ILDR2: variants seen among roughly 807,000 people sequenced by gnomAD.
The protein encoded by ILDR2 is immunoglobulin-like domain-containing receptor 2.
A neutral mutation model predicts 66.8 loss-of-function variants in ILDR2; 25 were observed. The ratio of observed to expected loss-of-function variants is 0.37; its 90% CI spans 0.27 to 0.52. The LOEUF (loss-of-function observed/expected upper bound fraction) is 0.52, where lower values mean the gene tolerates loss of function less well. Among genes scored for constraint, ILDR2 ranks in the 20% least tolerant of loss-of-function variants. The probability of loss-of-function intolerance (pLI) is 0.88; values close to 1 mark genes in which losing one functional copy is unlikely to be tolerated. For synonymous variants in ILDR2, 367 were observed against 357.2 expected (o/e 1.03, Z -0.31); for missense variants, 827 against 876.8 (o/e 0.94, Z 0.72).
chr1:166,974,656 A>G (rs1663486088), intron 1 of ILDR2, among the ~76,000 whole-genome samples: 1 of 152,120 alleles, frequency 6.6e-6, no homozygotes, highest in African/African-American at 2.4e-5. Context: ...AAACTCCACA[A>G]CCAGTGAAGG....
chr1:166,952,197 G>A (rs1401520126), intron 3 of ILDR2, among the ~76,000 whole-genome samples: 2 of 152,114 alleles, frequency 1.3e-5, no homozygotes, highest in African/African-American at 2.4e-5. Flanking sequence ...CTTTATTCCT[G>A]TCCAAACAGT....
At chr1:166,926,537 C>T (rs890366326) in intron 7 of ILDR2, among the ~76,000 whole-genome samples, 1 of 151,912 alleles carries the variant, frequency 6.6e-6, no homozygotes, top group African/African-American at 2.4e-5. Flanking sequence ...CAGGAGGCCT[C>T]CATGCAGCGA....
intron 4 of ILDR2, among the ~76,000 whole-genome samples, chr1:166,939,062 T>C (rs930146911): frequency 2.0e-5 from 3 of 152,324 alleles, no homozygotes; most frequent in South Asian, 2.1e-4. Flanking sequence ...GAGGGGTACA[T>C]AGCTTTCCTA....
Position 166,927,151 on chromosome 1 carries a change from T to C in ILDR2, c.910A>G (p.Lys304Glu). ...AGGACCTTCATGGAGTCTCTCTCTT[T>C]GTCAGCCTGGATCCGGTAACCTTTG... is the stretch of plus-strand genomic sequence containing the variant. ...VRKGYRIQAD[K>E]ERDSMKVLYY... The change falls in exon 7 of 10, where the codon AAA becomes GAA. Residue 304 changes from lysine to glutamate, a missense_variant. This residue lies in a region of ILDR2 where 437 missense variants were observed against 523.2 expected (regional missense o/e 0.84). Transcript: ENST00000271417. The C allele has an allele frequency of 1.2e-6, 2 of 1,613,754 alleles. No homozygotes were observed. The highest frequency in any genetic ancestry group is 1.7e-6 in the Non-Finnish European group (2 of 1,179,862).
Position 166,920,789 on chromosome 1 carries a change from C to T in ILDR2, c.1802G>A (p.Arg601His). 1 of 1,525,754 alleles carries T rather than the reference C, an allele frequency of 6.6e-7. No homozygotes were observed. Among genetic ancestry groups the T allele is most frequent in the Non-Finnish European group, 8.8e-7 (1 of 1,137,402 alleles). The allele number at this position is 1,525,754 out of a possible 1,614,324, so 94.5% of individuals were successfully genotyped here. ...GTCGCGGCCGCGGTAGGACGGGCCGCGGGTCAGCTCCAGCTCGCTGTAGGG... is the reference window on the plus strand; with the variant it reads ...GTCGCGGCCGCGGTAGGACGGGCCGTGGGTCAGCTCCAGCTCGCTGTAGGG... ...LPPYSELELT[R>H]GPSYRGRDLP... is the part of the protein sequence containing the mutation. The change falls in exon 9 of 10, where the codon CGC becomes CAC. Residue 601 changes from arginine to histidine, a missense_variant. By Grantham distance (29) the Arg-to-His change is conservative. This residue lies in a region of ILDR2 where 390 missense variants were observed against 353.6 expected (regional missense o/e 1.10). Transcript: ENST00000271417.
rs1659446832 is a variant in ILDR2 at position 166,910,243 on chromosome 1, T to C, written c.*9112A>G. 1 of 152,144 alleles carries C rather than the reference T, an allele frequency of 6.6e-6. No individual in the cohort carries two copies. Among genetic ancestry groups the C allele is most frequent in the Non-Finnish European group, 1.5e-5 (1 of 68,020 alleles). The allele number at this position is 152,144 out of a possible 1,614,324, so 9.4% of individuals were successfully genotyped here. On this transcript the variant is annotated 3_prime_UTR_variant, in exon 10 of 10. Transcript: ENST00000271417. ...AAATAGCTTTAAATCACAAAAGGCA[T>C]GCACCTAAATCCCACTTGATCCCAA...
intron 2 of ILDR2, 60 bp from the exon 3 acceptor site, chr1:166,956,912 A>C: frequency 6.3e-7 from 1 of 1,579,746 alleles, no homozygotes; most frequent in Non-Finnish European, 8.6e-7. Flanking sequence ...GAAAAACACT[A>C]AACAATGGGG....
At chr1:166,899,402 A>AAAAAG (rs1029180640) in intron 2 of ILDR2, among the ~76,000 whole-genome samples, 3 of 152,020 alleles carry the variant, frequency 2.0e-5, no homozygotes, top group Non-Finnish European at 4.4e-5. Flanking sequence ...CAAAAAAAAA[A>AAAAAG]AAAAGAAAAG....
At chr1:166,935,167 G>T in intron 6 of ILDR2, 134 bp downstream of exon 6, 1 of 890,918 alleles carries the variant, frequency 1.1e-6, no homozygotes, top group East Asian at 2.5e-5. Flanking sequence ...TGACATAGCT[G>T]GAAGGATCCC....
rs567993601 is a variant in ILDR2, at chr1:166,936,986, G to A, written c.557-249C>T. 1.3e-5 allele frequency among the ~76,000 whole-genome samples: 2 copies of A among 152,154 alleles called. No individual in the cohort carries two copies. The highest frequency in any genetic ancestry group is 6.5e-5 in the Admixed American group (1 of 15,298). ...GTTACATTGGGTACATGTAATAATC[G>A]GCACAAAACAATGTGGGGATTTCAG... On this transcript the variant is annotated intron_variant, in intron 4 of 9. Coordinates refer to ENST00000271417, the MANE Select transcript of ILDR2 (RefSeq NM_199351.3). The surrounding 1 kb of genome is among the most constrained non-coding windows in gnomAD (Gnocchi z 5.0).
In ILDR2 at chr1:166,919,043, G is replaced by A; in HGVS notation, c.*312C>T. ...CCAGAGCTAACTCTCTTTCAGAATT[G>A]CAAATGGAGTCCTGGTTCTGTTAAG... On this transcript the variant is annotated 3_prime_UTR_variant, in exon 10 of 10. Transcript: ENST00000271417. The A allele has an allele frequency of 2.3e-6, 1 of 444,358 alleles. No individual in the cohort carries two copies. The highest frequency in any genetic ancestry group is 4.0e-6 in the Non-Finnish European group (1 of 252,246). 27.5% of individuals were successfully genotyped at this position (444,358 alleles called of 1,614,324 possible).
At chr1:166,963,357 C>T (rs1362911581) in intron 1 of ILDR2, among the ~76,000 whole-genome samples, 1 of 152,138 alleles carries the variant, frequency 6.6e-6, no homozygotes, top group African/African-American at 2.4e-5. Flanking sequence ...TGTTATTACA[C>T]CTGTTTTATA....
intron 3 of ILDR2, among the ~76,000 whole-genome samples, chr1:166,950,279 G>T (rs905032077): frequency 6.6e-6 from 1 of 152,140 alleles, no homozygotes; most frequent in African/African-American, 2.4e-5. Flanking sequence ...CACTCTCAGA[G>T]ATCAAAGTTT....
In ILDR2 at chr1:166,910,614, T is replaced by G. The variant is rs1659453077; in HGVS notation, c.*8741A>C. The G allele has an allele frequency of 6.6e-6, 1 of 152,184 alleles. No individual in the cohort carries two copies. Among genetic ancestry groups the G allele is most frequent in the Non-Finnish European group, 1.5e-5 (1 of 68,024 alleles). The allele number at this position is 152,184 out of a possible 1,614,324, so 9.4% of individuals were successfully genotyped here. A position where few individuals can be genotyped will look rare whatever the true frequency, so the allele number is the denominator to read the frequency against. On this transcript the variant is annotated 3_prime_UTR_variant, in exon 10 of 10. Transcript: ENST00000271417. Reference sequence around the variant, plus strand: ...ACCTCTAAGCAACTTCCTAGCTACTTCTACACCTCATGCCATTTTTGGTGA... The same window carrying G: ...ACCTCTAAGCAACTTCCTAGCTACTGCTACACCTCATGCCATTTTTGGTGA...
intron 3 of ILDR2, among the ~76,000 whole-genome samples, chr1:166,952,151 A>C (rs1662018476): frequency 6.6e-6 from 1 of 152,206 alleles, no homozygotes; most frequent in Non-Finnish European, 1.5e-5. Context: ...GAAATGGTGA[A>C]GTCCTTTGCC....
Position 166,921,260 on chromosome 1 carries a change from G to A in ILDR2, c.1331C>T (p.Ala444Val). 1 of 1,597,766 alleles carries A rather than the reference G, an allele frequency of 6.3e-7. No individual in the cohort carries two copies. Among genetic ancestry groups the A allele is most frequent in the Non-Finnish European group, 8.5e-7 (1 of 1,175,198 alleles). Reference protein sequence around the residue: ...ADSYGQRPRRADGNSHEARGG... With the variant: ...ADSYGQRPRRVDGNSHEARGG... ...CCGCGCCTCGTGACTGTTGCCGTCT[G>A]CCCGGCGGGGCCGCTGGCCGTAGGA... The change falls in exon 9 of 10, where the codon GCA becomes GTA. Residue 444 changes from alanine to valine, a missense_variant. Transcript: ENST00000271417. This position sits in a 1 kb window ranked among gnomAD's most constrained non-coding sequence, Gnocchi z 5.3.
At position 166,936,565 on chromosome 1, in the gene ILDR2, G is replaced by T; in HGVS notation, c.703+26C>A. 1 of 1,614,030 alleles carries T rather than the reference G, an allele frequency of 6.2e-7. No homozygotes were observed. Among genetic ancestry groups the T allele is most frequent in the Non-Finnish European group, 8.5e-7 (1 of 1,179,968 alleles). ...GGTAGACATTTCTCTCGATCGCTCTGTCTCCCCAGCGGTCACTGTACTCAC... is the reference window on the plus strand; with the variant it reads ...GGTAGACATTTCTCTCGATCGCTCTTTCTCCCCAGCGGTCACTGTACTCAC... On this transcript the variant is annotated intron_variant, in intron 5 of 9. Coordinates refer to ENST00000271417, the MANE Select transcript of ILDR2 (RefSeq NM_199351.3). This position sits in a 1 kb window ranked among gnomAD's most constrained non-coding sequence, Gnocchi z 5.0.
rs567324297 is a variant in ILDR2 at position 166,910,507 on chromosome 1, C to G, written c.*8848G>C. ...TTCCCTTAAGTAATGTGAGGCACAC[C>G]TCCATCCAATACTGGAAGGTTAGCA... On this transcript the variant is annotated 3_prime_UTR_variant, in exon 10 of 10. Coordinates refer to ENST00000271417, the MANE Select transcript of ILDR2 (RefSeq NM_199351.3). 48 of 152,122 alleles carry G rather than the reference C, an allele frequency of 3.2e-4. No individual in the cohort carries two copies. The highest frequency in any genetic ancestry group is 6.3e-4 in the Non-Finnish European group (43 of 68,024). The allele number at this position is 152,122 out of a possible 1,614,324, so 9.4% of individuals were successfully genotyped here.
chr1:166,965,961 A>G (rs1662926313), intron 1 of ILDR2, among the ~76,000 whole-genome samples: 1 of 152,160 alleles, frequency 6.6e-6, no homozygotes, highest in African/African-American at 2.4e-5. Context: ...TAATTCAGAC[A>G]AGGAAAGAAA....
Sources: gnomAD v4.1 joint callset for allele counts (sites outside exome capture counted in the v4.1 genomes callset) on GRCh38, gnomAD v4.1.1 for gene constraint, gnomAD v4.1.1 regional missense constraint, Gnocchi (gnomAD v3.1) non-coding constraint, MANE v1.5 for transcripts, NCBI Gene and HGNC (gene_info 2026-07-23, HGNC 2026-07-21) for gene names.